Variants in MTOR observed in about 807,000 individuals in gnomAD.
MTOR encodes serine/threonine-protein kinase mTOR.
Under a neutral mutation model 319.8 loss-of-function variants are expected in MTOR, and 70 were observed. The ratio of observed to expected loss-of-function variants is 0.22; its 90% CI spans 0.18 to 0.27. The LOEUF (loss-of-function observed/expected upper bound fraction) is 0.27, where lower values mean the gene tolerates loss of function less well. Ranked by LOEUF, MTOR falls within the 10% of genes least tolerant of loss-of-function variation. The probability of loss-of-function intolerance (pLI) is 1.00; values close to 1 mark genes in which losing one functional copy is unlikely to be tolerated. For missense variants in MTOR, 1,890 were observed against 3,274.4 expected (o/e 0.58, Z 10.32); for synonymous variants, 1,183 against 1,211.4 (o/e 0.98, Z 0.49).
Position 11,230,922 on chromosome 1 carries a change from T to C in MTOR, c.2779+3A>G, listed in dbSNP as rs776051479. On this transcript the variant is annotated splice_donor_region_variant and intron_variant, in intron 18 of 57. Coordinates refer to ENST00000361445, the MANE Select transcript of MTOR (RefSeq NM_004958.4). ...AAGTCTTTCATGGCTACCCCCAACT[T>C]ACAGGAATCCTGACTTGACTTGGAT... The C allele has an allele frequency of 2.4e-5, 38 of 1,613,662 alleles. No individual in the cohort carries two copies. Among genetic ancestry groups the C allele is most frequent in the Non-Finnish European group, 3.2e-5 (38 of 1,179,984 alleles).
rs17848540 is a variant in MTOR, at chr1:11,167,281, C to T, written c.4329+161G>A. On this transcript the variant is annotated intron_variant, in intron 29 of 57. Transcript: ENST00000361445. ...AAGAAAGAAATAGAGTCCCTACAGA[C>T]ACAGTTTATCTCTTTCATCCTGAAG... 0.03 allele frequency among the ~76,000 whole-genome samples: 4,531 copies of T among 151,620 alleles called. 173 individuals are homozygous for T. The highest frequency in any genetic ancestry group is 0.071 in the Admixed American group (1,085 of 15,232).
Position 11,112,881 on chromosome 1 carries a change from G to T in MTOR, c.7337C>A (p.Thr2446Lys). 6.2e-7 allele frequency: 1 copy of T among 1,614,234 alleles called. No homozygotes were observed. Among genetic ancestry groups the T allele is most frequent in the Non-Finnish European group, 8.5e-7 (1 of 1,180,034 alleles). Residue 2446 changes from threonine (T) to lysine (K), a missense_variant, in exon 54 of 58, where the codon ACG (threonine) becomes AAG (lysine). Around this residue, in one of 15 missense-constraint regions of MTOR, gnomAD observed 49 missense variants for 67.6 expected, o/e 0.72. Coordinates refer to ENST00000361445, the MANE Select transcript of MTOR (RefSeq NM_004958.4). ...TKGNKRSRTR[T>K]DSYSAGQSVE... ...TGACTGGCCAGCAGAGTAGGAATCC[G>T]TCCTCGTTCGGGATCGCTTGTTGCC...
intron 28 of MTOR, among the ~76,000 whole-genome samples, chr1:11,185,134 C>T (rs900856620): frequency 6.6e-6 from 1 of 152,162 alleles, no homozygotes; most frequent in Non-Finnish European, 1.5e-5. Context: ...GTCACACTGT[C>T]CAAGAGTTCA....
At chr1:11,108,482 G>A (rs1404159863) in intron 56 of MTOR, among the ~76,000 whole-genome samples, 196 bp from the exon 57 acceptor site, 1 of 151,700 alleles carries the variant, frequency 6.6e-6, no homozygotes, top group East Asian at 1.9e-4. Flanking sequence ...AGGAGGCTGA[G>A]GCAGGCAGAT....
At chr1:11,173,427 C>G (rs1191883870) in intron 28 of MTOR, among the ~76,000 whole-genome samples, 1 of 151,916 alleles carries the variant, frequency 6.6e-6, no homozygotes, top group Admixed American at 6.6e-5. Context: ...AAGGCCTACA[C>G]CACCACACAC....
intron 9 of MTOR, 132 bp from the exon 10 acceptor site, chr1:11,241,813 G>T: frequency 1.0e-6 from 1 of 971,148 alleles, no homozygotes; most frequent in Non-Finnish European, 1.5e-6. Flanking sequence ...AAATTGTCCA[G>T]AGCACAGTTC....
intron 18 of MTOR, among the ~76,000 whole-genome samples, chr1:11,229,717 T>C (rs1389799076): frequency 5.3e-5 from 8 of 152,288 alleles, no homozygotes; most frequent in Admixed American, 6.5e-5. Context: ...ATGTCAGAAA[T>C]AGGCCTGCCC....
At chr1:11,156,396 G>A (rs1209125211) in intron 30 of MTOR, among the ~76,000 whole-genome samples, 1 of 152,160 alleles carries the variant, frequency 6.6e-6, no homozygotes, top group Non-Finnish European at 1.5e-5. Flanking sequence ...ACAGAATGGA[G>A]GCCATTTTTT....
rs1643008564 is a variant in MTOR at position 11,129,478 on chromosome 1, TGGG to T, written c.5714+257_5714+259del. Among the ~76,000 whole-genome samples, 1 of 152,212 alleles carries T rather than the reference TGGG, an allele frequency of 6.6e-6. No homozygotes were observed. Among genetic ancestry groups the T allele is most frequent in the African/African-American group, 2.4e-5 (1 of 41,450 alleles). ...AAAAAGAAATATTGTGATTAACAGA[TGGG>T]TTAATAATCCCTCCATAATAAACCA... On this transcript the variant is annotated intron_variant, in intron 40 of 57. Coordinates refer to ENST00000361445, the MANE Select transcript of MTOR (RefSeq NM_004958.4). The surrounding 1 kb of genome is among the most constrained non-coding windows in gnomAD (Gnocchi z 4.7).
At chr1:11,143,950 C>A (rs1320884965) in intron 34 of MTOR, 1 of 152,126 alleles carries the variant, frequency 6.6e-6, no homozygotes, top group African/African-American at 2.4e-5. Context: ...GACTCCCAGA[C>A]CTGGAGTGAC....
Position 11,150,228 on chromosome 1 carries a change from T to C in MTOR, c.4470-2A>G. On this transcript the variant is annotated splice_acceptor_variant, in intron 30 of 57. Transcript: ENST00000361445. LOFTEE classifies it high-confidence loss of function. ...CAGCACTGCTGGTGGAGTTGACCCCTGAAGAAAATGAATTATATAGTCAGA... is the reference window on the plus strand; with the variant it reads ...CAGCACTGCTGGTGGAGTTGACCCCCGAAGAAAATGAATTATATAGTCAGA... 6.2e-7 allele frequency: 1 copy of C among 1,611,310 alleles called. No individual in the cohort carries two copies. Among genetic ancestry groups the C allele is most frequent in the Non-Finnish European group, 8.5e-7 (1 of 1,178,240 alleles).
intron 30 of MTOR, among the ~76,000 whole-genome samples, chr1:11,153,710 T>C (rs1644223809): frequency 6.6e-6 from 1 of 152,188 alleles, no homozygotes; most frequent in African/African-American, 2.4e-5. Context: ...TGGCCACATG[T>C]GGCTACTGAA....
Position 11,150,154 on chromosome 1 carries a change from C to T in MTOR, c.4542G>A (p.Arg1514=), listed in dbSNP as rs1158221494. ...VNDETQAKMA[R]MAAAAAWGLG... ...AACCCCATGCAGCTGCAGCAGCCAT[C>T]CGGGCCATCTTGGCTTGGGTCTCAT... is the stretch of plus-strand genomic sequence containing the variant. Residue 1514 remains arginine (R), a synonymous_variant, in exon 31 of 58, where the codon CGG becomes CGA. Coordinates refer to ENST00000361445, the MANE Select transcript of MTOR (RefSeq NM_004958.4). 2 of 1,614,068 alleles carry T rather than the reference C, an allele frequency of 1.2e-6. No individual in the cohort carries two copies. The highest frequency in any genetic ancestry group is 2.2e-5 in the East Asian group (1 of 44,854).
At chr1:11,260,638 AAATT>A (rs569424569) in intron 1 of MTOR, among the ~76,000 whole-genome samples, 235 of 152,302 alleles carry the variant, frequency 1.5e-3, no homozygotes, top group African/African-American at 5.6e-3. Context: ...GAAACAGGTG[AAATT>A]AATTACCTAA....
At chr1:11,260,682 T>A (rs990693613) in intron 1 of MTOR, among the ~76,000 whole-genome samples, 1 of 151,598 alleles carries the variant, frequency 6.6e-6, no homozygotes, top group African/African-American at 2.4e-5. Flanking sequence ...CATTTCAACA[T>A]GTTATCAATA....
At chr1:11,149,025 CAG>C (rs1157376573) in intron 31 of MTOR, among the ~76,000 whole-genome samples, 1 of 152,142 alleles carries the variant, frequency 6.6e-6, no homozygotes, top group Non-Finnish European at 1.5e-5. Context: ...CCAAGCCTCA[CAG>C]AGTGCTGGGA....
chr1:11,154,368 A>G (rs1644252401), intron 30 of MTOR, among the ~76,000 whole-genome samples: 1 of 151,920 alleles, frequency 6.6e-6, no homozygotes, highest in African/African-American at 2.4e-5. Flanking sequence ...TTGGGATTAC[A>G]GGTGTGAGCC....
intron 28 of MTOR, among the ~76,000 whole-genome samples, chr1:11,176,841 T>C (rs1013186121): frequency 6.6e-6 from 1 of 152,188 alleles, no homozygotes; most frequent in Non-Finnish European, 1.5e-5. Flanking sequence ...CAGGAAGATC[T>C]GGGGTTGGCT....
At position 11,166,570 on chromosome 1, in the gene MTOR, C is replaced by T. The variant is rs369136579; in HGVS notation, c.4329+872G>A. On this transcript the variant is annotated intron_variant, in intron 29 of 57. Transcript: ENST00000361445. Reference sequence around the variant, plus strand: ...TACCATCTCACACCAGTTAGAATGACGATCATTAAAAAGTCAGGAAACAAC... The same window carrying T: ...TACCATCTCACACCAGTTAGAATGATGATCATTAAAAAGTCAGGAAACAAC... Among the ~76,000 whole-genome samples, 477 of 152,162 alleles carry T rather than the reference C, an allele frequency of 3.1e-3. 5 individuals carry two copies. The highest frequency in any genetic ancestry group is 0.011 in the African/African-American group (457 of 41,514).
Sources: allele counts gnomAD v4.1 joint callset (sites outside exome capture counted in the v4.1 genomes callset), GRCh38; gene constraint gnomAD v4.1.1; regional missense constraint gnomAD v4.1.1; non-coding constraint Gnocchi (gnomAD v3.1); transcripts MANE v1.5; gene names NCBI Gene and HGNC (gene_info 2026-07-23, HGNC 2026-07-21).